The following TMEM131 variants were observed in gnomAD, a reference collection of about 807,000 sequenced individuals.
The protein encoded by TMEM131 is transmembrane protein 131.
TMEM131 carries 66 observed loss-of-function variants against 211.6 expected under a neutral mutation model. The observed-to-expected ratio is 0.31, with a 90% CI of 0.26 to 0.38. TMEM131 has a LOEUF of 0.38. Ranked by LOEUF, TMEM131 falls within the 10% of genes least tolerant of loss-of-function variation. TMEM131 has a pLI of 1.00. For synonymous variants in TMEM131, 844 were observed against 841.3 expected (o/e 1.00, Z -0.06); for missense variants, 2,036 against 2,299.3 (o/e 0.89, Z 2.34).
At chr2:97,978,974 G>C (rs114872819) in intron 1 of TMEM131, among the ~76,000 whole-genome samples, 1,737 of 152,216 alleles carry the variant, frequency 0.011, 35 homozygotes, top group African/African-American at 0.039. Context: ...ATTACTTCTT[G>C]ATCCTTGGCT....
At chr2:97,856,461 TA>T (rs1237685609) in intron 5 of TMEM131, among the ~76,000 whole-genome samples, 2 of 152,226 alleles carry the variant, frequency 1.3e-5, no homozygotes, top group Non-Finnish European at 2.9e-5. Flanking sequence ...AAAATATAAT[TA>T]TGTAAAACTT....
chr2:97,988,235 CTGGAG>C (rs1451338843), intron 1 of TMEM131, among the ~76,000 whole-genome samples: 1 of 152,162 alleles, frequency 6.6e-6, no homozygotes. Flanking sequence ...ACAAATGGAA[CTGGAG>C]AAACTGGATA....
At chr2:97,843,917 G>C (rs1471643152) in intron 6 of TMEM131, among the ~76,000 whole-genome samples, 1 of 151,910 alleles carries the variant, frequency 6.6e-6, no homozygotes, top group African/African-American at 2.4e-5. Context: ...CTATTCTTTT[G>C]TCAATCTTAA....
At chr2:97,975,076 A>G (rs1452973415) in intron 1 of TMEM131, among the ~76,000 whole-genome samples, 1 of 152,178 alleles carries the variant, frequency 6.6e-6, no homozygotes, top group Admixed American at 6.5e-5. Context: ...ACAAGTCTCA[A>G]AAGAACTAAT....
intron 3 of TMEM131, among the ~76,000 whole-genome samples, chr2:97,891,313 G>A (rs534183078): frequency 6.6e-6 from 1 of 152,120 alleles, no homozygotes; most frequent in Admixed American, 6.6e-5. Context: ...TGCCCAAGCT[G>A]GTCTCAAACT....
intron 4 of TMEM131, among the ~76,000 whole-genome samples, chr2:97,879,138 T>C (rs1010240606): frequency 6.6e-6 from 1 of 152,224 alleles, no homozygotes; most frequent in Non-Finnish European, 1.5e-5. Context: ...GGGGAAAGGC[T>C]TGCTTTACAA....
At chr2:97,988,383 CATG>C (rs1275419940) in intron 1 of TMEM131, among the ~76,000 whole-genome samples, 1 of 152,124 alleles carries the variant, frequency 6.6e-6, no homozygotes, top group Non-Finnish European at 1.5e-5. Flanking sequence ...GGAAAAAGTT[CATG>C]ACATTGGATT....
In TMEM131 at chr2:97,758,978, C is replaced by A. The variant is rs1373517525; in HGVS notation, c.5282G>T (p.Gly1761Val). The A allele has an allele frequency of 6.2e-7, 1 of 1,614,008 alleles. No individual in the cohort carries two copies. The highest frequency in any genetic ancestry group is 1.7e-5 in the Admixed American group (1 of 60,036). Residue 1761 changes from glycine to valine, a missense_variant, in exon 40 of 41, where the codon GGC (glycine) becomes GTC (valine). By Grantham distance (109) the Gly-to-Val change is moderately radical. Transcript: ENST00000186436. Reference protein sequence around the residue: ...SQRSWNEFNSGPSYLWESPAT... With the variant: ...SQRSWNEFNSVPSYLWESPAT... ...TGGCGACTCCCAAAGGTATGAAGGGCCACTATTAAACTCGTTCCAGCTCCT... is the reference window on the plus strand; with the variant it reads ...TGGCGACTCCCAAAGGTATGAAGGGACACTATTAAACTCGTTCCAGCTCCT...
At chr2:97,885,205 T>C (rs1373897486) in intron 4 of TMEM131, among the ~76,000 whole-genome samples, 1 of 149,072 alleles carries the variant, frequency 6.7e-6, no homozygotes, top group Non-Finnish European at 1.5e-5. Context: ...TTGTGAAAGA[T>C]TTTTTTTTTT....
At chr2:97,835,753 T>G (rs931954459) in intron 8 of TMEM131, among the ~76,000 whole-genome samples, 1 of 152,168 alleles carries the variant, frequency 6.6e-6, no homozygotes, top group Non-Finnish European at 1.5e-5. Context: ...TCCCCAGCTC[T>G]AGGGAGTTGA....
chr2:97,761,282 T>C lies in TMEM131; in HGVS notation c.4890-368A>G, dbSNP rs545785513. On this transcript the variant is annotated intron_variant, in intron 36 of 40. Coordinates refer to ENST00000186436, the MANE Select transcript of TMEM131 (RefSeq NM_015348.2). The stretch of plus-strand genomic sequence containing the variant: ...AGGGCGGGGCCTCAGGGAGTCTCCT[T>C]CCCTGCCAGGACACGGCGAGGTGCT... The C allele has an allele frequency of 6.0e-5, 11 of 183,728 alleles. No homozygotes were observed. In the East Asian group the frequency reaches 7.1e-4, roughly 12 times the overall value. The allele number at this position is 183,728 out of a possible 1,614,324, so 11.4% of individuals were successfully genotyped here. A position where few individuals can be genotyped will look rare whatever the true frequency, so the allele number is the denominator to read the frequency against.
At chr2:97,944,087 AAAATAAAT>A (rs1000296427) in intron 1 of TMEM131, among the ~76,000 whole-genome samples, 1 of 152,182 alleles carries the variant, frequency 6.6e-6, no homozygotes, top group African/African-American at 2.4e-5. Flanking sequence ...ACTAAAAATA[AAAATAAAT>A]AAATAAATAA....
chr2:97,905,838 CCCT>C (rs1416413489), intron 3 of TMEM131, among the ~76,000 whole-genome samples: 1 of 152,170 alleles, frequency 6.6e-6, no homozygotes, highest in African/African-American at 2.4e-5. Context: ...ATGCCACCGG[CCCT>C]CCTCAAGATA....
intron 32 of TMEM131, among the ~76,000 whole-genome samples, chr2:97,774,345 T>C (rs1679611973): frequency 1.3e-5 from 2 of 152,216 alleles, no homozygotes; most frequent in South Asian, 4.1e-4. Flanking sequence ...TAGAACAGAA[T>C]TGGAGAAGAC....
At chr2:97,794,815 C>CTGTCT in intron 29 of TMEM131, 115 bp downstream of exon 29, 1 of 818,694 alleles carries the variant, frequency 1.2e-6, no homozygotes, top group African/African-American at 1.8e-5. Flanking sequence ...AGGCAGAGTT[C>CTGTCT]TGTCTTGTTT....
intron 24 of TMEM131, among the ~76,000 whole-genome samples, 183 bp from the exon 25 acceptor site, chr2:97,802,144 A>C (rs992402520): frequency 5.9e-5 from 9 of 152,212 alleles, no homozygotes; most frequent in Admixed American, 6.5e-5. Context: ...TATTTTGTTC[A>C]CTTTTCAAAA....
intron 1 of TMEM131, among the ~76,000 whole-genome samples, chr2:97,958,890 G>A (rs1290059753): frequency 6.6e-6 from 1 of 152,220 alleles, no homozygotes; most frequent in Admixed American, 6.5e-5. Flanking sequence ...ATTACGGGCA[G>A]AACCTCCCTC....
intron 1 of TMEM131, among the ~76,000 whole-genome samples, chr2:97,946,467 T>G (rs1678048608): frequency 1.3e-5 from 2 of 151,888 alleles, no homozygotes; most frequent in Admixed American, 1.3e-4. Flanking sequence ...AATCAGCAAA[T>G]ATAATTAACA....
At chr2:97,889,919 T>G (rs1471582656) in intron 3 of TMEM131, among the ~76,000 whole-genome samples, 1 of 152,006 alleles carries the variant, frequency 6.6e-6, no homozygotes, top group Non-Finnish European at 1.5e-5. Context: ...TAGGTGAAAA[T>G]GTGTGTATAA....
Sources: allele counts gnomAD v4.1 joint callset (sites outside exome capture counted in the v4.1 genomes callset), GRCh38; gene constraint gnomAD v4.1.1; transcripts MANE v1.5; gene names NCBI Gene and HGNC (gene_info 2026-07-23, HGNC 2026-07-21).